The following CCDC7 variants were observed in gnomAD, a reference collection of about 807,000 sequenced individuals.
CCDC7 encodes coiled-coil domain containing 7.
CCDC7 carries 183 observed loss-of-function variants against 196.9 expected under a neutral mutation model. That is an observed-to-expected ratio of 0.93 (90% confidence interval 0.82 to 1.05). The LOEUF (loss-of-function observed/expected upper bound fraction) is 1.05, where lower values mean the gene tolerates loss of function less well. Ranked by LOEUF, CCDC7 falls within the 50% of genes least tolerant of loss-of-function variation. The pLI, the probability that CCDC7 is intolerant of heterozygous loss-of-function variation, is 0.00. For missense variants in CCDC7, 1,540 were observed against 1,482.2 expected (o/e 1.04, Z -0.64); for synonymous variants, 525 against 484.6 (o/e 1.08, Z -1.10).
intron 18 of CCDC7, among the ~76,000 whole-genome samples, chr10:32,605,417 A>G (rs563122443): frequency 1.1e-4 from 17 of 152,320 alleles, no homozygotes; most frequent in African/African-American, 4.1e-4. Context: ...CGTAACAGGC[A>G]GAGGTTGGAA....
intron 25 of CCDC7, among the ~76,000 whole-genome samples, chr10:32,724,044 G>A (rs1324471728): frequency 6.6e-6 from 1 of 151,940 alleles, no homozygotes; most frequent in Non-Finnish European, 1.5e-5. Context: ...AACCCACCAA[G>A]CAAGCTCAGC....
chr10:32,506,954 A>G (rs1444647254), intron 9 of CCDC7, among the ~76,000 whole-genome samples: 2 of 152,192 alleles, frequency 1.3e-5, no homozygotes, highest in African/African-American at 4.8e-5. Flanking sequence ...TTATATAAGT[A>G]TAGCCACTCA....
At chr10:32,560,925 C>G (rs995732020) in intron 13 of CCDC7, among the ~76,000 whole-genome samples, 1 of 151,930 alleles carries the variant, frequency 6.6e-6, no homozygotes, top group Non-Finnish European at 1.5e-5. Flanking sequence ...TTCAGGAAAC[C>G]ATCTCACATG....
chr10:32,833,503 A>T (rs2092380390), intron 32 of CCDC7, among the ~76,000 whole-genome samples: 1 of 152,134 alleles, frequency 6.6e-6, no homozygotes, highest in Non-Finnish European at 1.5e-5. Flanking sequence ...CTTAGTGCTT[A>T]AACCTATCTG....
At chr10:32,808,942 A>G (rs966857220) in intron 30 of CCDC7, among the ~76,000 whole-genome samples, 1 of 152,198 alleles carries the variant, frequency 6.6e-6, no homozygotes, top group African/African-American at 2.4e-5. Flanking sequence ...TGGGAGGTGA[A>G]GGTGGCAGGA....
Position 32,711,517 on chromosome 10 carries a change from A to T in CCDC7, c.2459-103A>T, listed in dbSNP as rs1026862006. On this transcript the variant is annotated intron_variant, in intron 24 of 41. Transcript: ENST00000639629. ...AAGGTAGTTTACTTATAACTTTATAAGATGAAAGAAAATGTTGCTTCCACT... is the reference window on the plus strand; with the variant it reads ...AAGGTAGTTTACTTATAACTTTATATGATGAAAGAAAATGTTGCTTCCACT... 7.4e-6 allele frequency: 5 copies of T among 672,512 alleles called. No homozygotes were observed. In the African/African-American group the frequency reaches 7.7e-5, roughly 10 times the overall value. The allele number at this position is 672,512 out of a possible 1,614,324, so 41.7% of individuals were successfully genotyped here. A position where few individuals can be genotyped will look rare whatever the true frequency, so the allele number is the denominator to read the frequency against.
chr10:32,847,826 T>A lies in CCDC7; in HGVS notation c.3689-7T>A, dbSNP rs2093371693. ...AAAGTGTTTTGAAATGTGTTTTATG[T>A]CTATAGAGACTGATGTAGAACCCTT... On this transcript the variant is annotated splice_region_variant and splice_polypyrimidine_tract_variant and intron_variant, in intron 37 of 41. Transcript: ENST00000639629. 6 of 1,580,296 alleles carry A rather than the reference T, an allele frequency of 3.8e-6. No homozygotes were observed. Among genetic ancestry groups the A allele is most frequent in the Non-Finnish European group, 5.2e-6 (6 of 1,158,450 alleles).
At chr10:32,748,055 T>C (rs1364340247) in intron 28 of CCDC7, among the ~76,000 whole-genome samples, 2 of 152,202 alleles carry the variant, frequency 1.3e-5, no homozygotes, top group African/African-American at 4.8e-5. Flanking sequence ...ACTCATGTCC[T>C]TTGCAGCAAC....
At chr10:32,818,968 C>A (rs957244078) in intron 31 of CCDC7, among the ~76,000 whole-genome samples, 1 of 152,030 alleles carries the variant, frequency 6.6e-6, no homozygotes, top group Non-Finnish European at 1.5e-5. Context: ...AAGATCAGAG[C>A]AGAACTGAAG....
At position 32,846,470 on chromosome 10, in the gene CCDC7, TA is replaced by T; in HGVS notation, c.3688+13del. 1 of 1,526,514 alleles carries T rather than the reference TA, an allele frequency of 6.6e-7. No homozygotes were observed. The highest frequency in any genetic ancestry group is 1.2e-5 in the South Asian group (1 of 84,982). The allele number at this position is 1,526,514 out of a possible 1,614,324, so 94.6% of individuals were successfully genotyped here. A position where few individuals can be genotyped will look rare whatever the true frequency, so the allele number is the denominator to read the frequency against. ...TAAAGAGTCACCAGGGTAAGAAAAA[TA>T]ATTTTTGAGTCTAATATTTGTGACC... On this transcript the variant is annotated intron_variant, in intron 37 of 41. Transcript: ENST00000639629.
Position 32,855,204 on chromosome 10 carries a change from G to GT in CCDC7, c.4111+729dup, listed in dbSNP as rs34544892. The stretch of plus-strand genomic sequence containing the variant: ...ATACTTTTTTTACAGAAAAATGTAA[G>GT]TTTTTTTTTTTTTTAATTCATACAG... On this transcript the variant is annotated intron_variant, in intron 41 of 41. Coordinates refer to ENST00000639629, the Ensembl canonical transcript of CCDC7. Among the ~76,000 whole-genome samples, 1,405 of 146,616 alleles carry GT rather than the reference G, an allele frequency of 9.6e-3. 8 individuals are homozygous for GT. Among genetic ancestry groups the GT allele is most frequent in the Middle Eastern group, 0.022 (6 of 274 alleles).
chr10:32,814,375 G>A (rs763994943), exon 31 of CCDC7: 1 of 1,600,070 alleles, frequency 6.2e-7, no homozygotes, highest in South Asian at 1.1e-5. Context: ...TATAGGGCCT[G>A]ATATAGAACA....
intron 9 of CCDC7, among the ~76,000 whole-genome samples, chr10:32,509,120 G>T (rs1322984192): frequency 6.6e-6 from 1 of 152,038 alleles, no homozygotes; most frequent in African/African-American, 2.4e-5. Flanking sequence ...ACAGGCCTGA[G>T]CCACTGCACC....
rs1592623403 is a variant in CCDC7 at position 32,774,489 on chromosome 10, C to T, written c.2906-4488C>T. Reference sequence around the variant, plus strand: ...AATTCTGTGAGTGGTGTTAGCCCTGCTTGCAGGAGGGGGTGACACCCTTAA... The same window carrying T: ...AATTCTGTGAGTGGTGTTAGCCCTGTTTGCAGGAGGGGGTGACACCCTTAA... On this transcript the variant is annotated intron_variant, in intron 28 of 41. Transcript: ENST00000639629. 2.0e-5 allele frequency among the ~76,000 whole-genome samples: 3 copies of T among 152,248 alleles called. No homozygotes were observed. In the South Asian group the frequency reaches 6.2e-4, roughly 32 times the overall value.
chr10:32,656,295 T>C (rs369057286), intron 20 of CCDC7, among the ~76,000 whole-genome samples: 1 of 152,220 alleles, frequency 6.6e-6, no homozygotes, highest in African/African-American at 2.4e-5. Context: ...AATCCTATGT[T>C]TATTGCAGCA....
At chr10:32,482,883 T>G (rs1214831671) in intron 8 of CCDC7, among the ~76,000 whole-genome samples, 1 of 152,238 alleles carries the variant, frequency 6.6e-6, no homozygotes, top group African/African-American at 2.4e-5. Context: ...CACATTTTCT[T>G]AATCCAGTCT....
intron 20 of CCDC7, among the ~76,000 whole-genome samples, chr10:32,651,185 T>A (rs1363688262): frequency 6.6e-6 from 1 of 152,148 alleles, no homozygotes; most frequent in Non-Finnish European, 1.5e-5. Flanking sequence ...TGAGTTCCCC[T>A]GCAACTAGGA....
At chr10:32,789,718 T>C (rs987109234) in intron 29 of CCDC7, among the ~76,000 whole-genome samples, 5 of 152,132 alleles carry the variant, frequency 3.3e-5, no homozygotes, top group Admixed American at 2.6e-4. Flanking sequence ...GTGAATAGAT[T>C]AATGCTATTA....
intron 41 of CCDC7, among the ~76,000 whole-genome samples, chr10:32,861,506 G>A (rs893154448): frequency 5.3e-5 from 8 of 152,038 alleles, no homozygotes; most frequent in Non-Finnish European, 1.0e-4. Flanking sequence ...CAGGACATAG[G>A]CATGGGTAAA....
Sources: gnomAD v4.1 joint callset for allele counts (sites outside exome capture counted in the v4.1 genomes callset) on GRCh38, gnomAD v4.1.1 for gene constraint, MANE v1.5 for transcripts, NCBI Gene and HGNC (gene_info 2026-07-23, HGNC 2026-07-21) for gene names.